Variants in PLCH1 observed in about 807,000 individuals in gnomAD.
The protein encoded by PLCH1 is 1-phosphatidylinositol 4,5-bisphosphate phosphodiesterase eta-1.
In PLCH1, 60 loss-of-function variants were observed where a neutral mutation model predicts 126.7. The ratio of observed to expected loss-of-function variants is 0.47; its 90% confidence interval spans 0.38 to 0.59. The LOEUF (loss-of-function observed/expected upper bound fraction) is 0.59. Among genes scored for constraint, PLCH1 ranks in the 20% least tolerant of loss-of-function variants. PLCH1 has a pLI of 0.00. For missense variants in PLCH1, 1,723 were observed against 2,040.0 expected, an observed-to-expected ratio of 0.84 and a Z score of 2.99; for synonymous variants, 719 against 734.9, an observed-to-expected ratio of 0.98 and a Z score of 0.35.
At chr3:155,484,794 C>T (rs571196058) in intron 22 of PLCH1, among the ~76,000 whole-genome samples, 51 of 152,258 alleles carry the variant, frequency 3.3e-4, no homozygotes, top group Non-Finnish European at 6.2e-4. Flanking sequence ...AGCCCACAAC[C>T]GTGCTGAAGC....
intron 2 of PLCH1, among the ~76,000 whole-genome samples, chr3:155,634,206 T>C (rs1738442399): frequency 6.6e-6 from 1 of 152,118 alleles, no homozygotes; most frequent in Admixed American, 6.5e-5. Flanking sequence ...AAATAAGATG[T>C]TTGTGACCAA....
At chr3:155,579,778 G>A (rs1209564577) in intron 6 of PLCH1, among the ~76,000 whole-genome samples, 1 of 152,104 alleles carries the variant, frequency 6.6e-6, no homozygotes, top group African/African-American at 2.4e-5. Flanking sequence ...TTCTTTAGTG[G>A]CATTTAAATA....
At chr3:155,668,429 C>T (rs1168616829) in intron 2 of PLCH1, among the ~76,000 whole-genome samples, 1 of 152,050 alleles carries the variant, frequency 6.6e-6, no homozygotes, top group Non-Finnish European at 1.5e-5. Context: ...TTCTTATCTT[C>T]GTGGGCATGC....
intron 21 of PLCH1, among the ~76,000 whole-genome samples, chr3:155,453,173 T>A (rs1712352423): frequency 1.3e-5 from 2 of 152,124 alleles, no homozygotes; most frequent in Non-Finnish European, 2.9e-5. Context: ...TTAACACTCT[T>A]CAGAAGTGTC....
At position 155,641,750 on chromosome 3, in the gene PLCH1, A is replaced by G. The variant is rs147122171; in HGVS notation, c.80-45372T>C. Among the ~76,000 whole-genome samples, 19 of 152,120 alleles carry G rather than the reference A, an allele frequency of 1.2e-4. No homozygotes were observed. The East Asian group carries it at 3.7e-3, about 29-fold the overall frequency. ...TATCCAAACAAATAAAAAATTTTTA[A>G]TTTTTTTTAAACTTTTTAAAATCTC... On this transcript the variant is annotated intron_variant, in intron 2 of 22. Transcript: ENST00000460012.
At chr3:155,537,201 C>CAAAAAAAAAAAAAAAAAA (rs1560128167) in intron 10 of PLCH1, among the ~76,000 whole-genome samples, 15 of 132,102 alleles carry the variant, frequency 1.1e-4, no homozygotes, top group African/African-American at 4.5e-4. Flanking sequence ...AAAAAAAAAA[C>CAAAAAAAAAAAAAAAAAA]CAAAAAAAAA....
At chr3:155,527,994 AG>A (rs1275068534) in intron 10 of PLCH1, among the ~76,000 whole-genome samples, 1 of 151,288 alleles carries the variant, frequency 6.6e-6, no homozygotes, top group African/African-American at 2.4e-5. Flanking sequence ...GAGGCCAAGG[AG>A]GACAGATCAC....
chr3:155,482,986 T>C lies in PLCH1; in HGVS notation c.3040A>G (p.Asn1014Asp). The change falls in exon 23 of 23, where the codon AAC becomes GAC. Residue 1014 changes from asparagine (N) to aspartate (D), a missense_variant. This residue lies in a region of PLCH1 where 947 missense variants were observed against 977.1 expected (regional missense o/e 0.97). Coordinates refer to ENST00000460012, the MANE Select transcript of PLCH1 (RefSeq NM_014996.4). ...CTGGAGGAGGATGATAACTTTTTGT[T>C]GAAATTTAGAAAATGTGGATCTTTT... The part of the protein sequence containing the change: ...SIKDPHFLNF[N>D]KKLSSSSSAL... The C allele has an allele frequency of 6.2e-7, 1 of 1,614,088 alleles. No homozygotes were observed. The highest frequency in any genetic ancestry group is 8.5e-7 in the Non-Finnish European group (1 of 1,179,952).
intron 1 of PLCH1, among the ~76,000 whole-genome samples, chr3:155,714,873 A>C (rs1747395142): frequency 6.6e-6 from 1 of 152,196 alleles, no homozygotes; most frequent in African/African-American, 2.4e-5. Context: ...TTGCTCTCAA[A>C]AGGCTTTTAT....
At chr3:155,557,425 C>T (rs1411089949) in intron 8 of PLCH1, among the ~76,000 whole-genome samples, 1 of 152,140 alleles carries the variant, frequency 6.6e-6, no homozygotes, top group Admixed American at 6.5e-5. Flanking sequence ...AAAATTAAAA[C>T]TACACGAGTC....
chr3:155,617,568 T>C (rs1607590), intron 2 of PLCH1, among the ~76,000 whole-genome samples: 73,817 of 152,008 alleles, frequency 0.49, 20,322 homozygotes, highest in African/African-American at 0.74. Flanking sequence ...TTTCTTTCTC[T>C]CTACCTGGTT....
At chr3:155,687,362 A>G (rs1745031440) in intron 2 of PLCH1, among the ~76,000 whole-genome samples, 1 of 152,190 alleles carries the variant, frequency 6.6e-6, no homozygotes, top group African/African-American at 2.4e-5. Flanking sequence ...TTGCTCCTTC[A>G]TGAATACTAA....
chr3:155,477,862 G>A (rs1694089750), downstream of PLCH1, among the ~76,000 whole-genome samples: 2 of 152,064 alleles, frequency 1.3e-5, no homozygotes, highest in South Asian at 4.1e-4. Flanking sequence ...ACTAAAAATT[G>A]AGCTATCATA....
intron 1 of PLCH1, among the ~76,000 whole-genome samples, chr3:155,721,642 T>G (rs1419300056): frequency 6.6e-6 from 1 of 152,222 alleles, no homozygotes; most frequent in Non-Finnish European, 1.5e-5. Context: ...TACAATCATA[T>G]CATCGGCAAA....
chr3:155,457,728 T>C (rs952318363), intron 21 of PLCH1: 33 of 152,248 alleles, frequency 2.2e-4, no homozygotes, highest in African/African-American at 7.2e-4. Flanking sequence ...TAAATCTTAA[T>C]ACTATATTAA....
At chr3:155,465,184 CCAGT>C (rs1178185483) in intron 21 of PLCH1, among the ~76,000 whole-genome samples, 2 of 151,854 alleles carry the variant, frequency 1.3e-5, no homozygotes, top group African/African-American at 4.8e-5. Flanking sequence ...CCACTTTGTC[CCAGT>C]CATTTATCTT....
Position 155,669,109 on chromosome 3 carries a change from C to T in PLCH1, c.79+35037G>A, listed in dbSNP as rs73876908. Among the ~76,000 whole-genome samples, 849 of 150,698 alleles carry T rather than the reference C, an allele frequency of 5.6e-3. 10 individuals are homozygous for T. Among genetic ancestry groups the T allele is most frequent in the African/African-American group, 0.02 (808 of 40,882 alleles). On this transcript the variant is annotated intron_variant, in intron 2 of 22. Coordinates refer to ENST00000460012, the MANE Select transcript of PLCH1 (RefSeq NM_014996.4). Reference sequence around the variant, plus strand: ...CCAAAATATCAACCACAGTTATGCCCGAGGAGTGGGCATCACCACTTGCTT... The same window carrying T: ...CCAAAATATCAACCACAGTTATGCCTGAGGAGTGGGCATCACCACTTGCTT...
intron 2 of PLCH1, among the ~76,000 whole-genome samples, chr3:155,635,368 C>T (rs1738597240): frequency 6.6e-6 from 1 of 152,128 alleles, no homozygotes; most frequent in African/African-American, 2.4e-5. Flanking sequence ...AAGCAGAGCA[C>T]TGAGGAATTA....
At chr3:155,576,289 G>A (rs972334418) in intron 6 of PLCH1, among the ~76,000 whole-genome samples, 3 of 152,086 alleles carry the variant, frequency 2.0e-5, no homozygotes, top group Admixed American at 1.3e-4. Context: ...TAAATACTTC[G>A]GAACCACAGA....
Sources: gnomAD v4.1 joint callset for allele counts (sites outside exome capture counted in the v4.1 genomes callset) on GRCh38, gnomAD v4.1.1 for gene constraint, gnomAD v4.1.1 regional missense constraint, MANE v1.5 for transcripts, NCBI Gene and HGNC (gene_info 2026-07-23, HGNC 2026-07-21) for gene names.